PLPPR4: variants seen among roughly 807,000 people sequenced by gnomAD.
PLPPR4 encodes phospholipid phosphatase related 4.
Under a neutral mutation model 56.6 loss-of-function variants are expected in PLPPR4, and 24 were observed. The ratio of observed to expected loss-of-function variants is 0.42; its 90% confidence interval spans 0.31 to 0.60. PLPPR4 has a LOEUF of 0.60. PLPPR4 is among the 20% of genes least tolerant of loss of function. The probability of loss-of-function intolerance (pLI) is 0.13; values close to 1 mark genes in which losing one functional copy is unlikely to be tolerated. For missense variants in PLPPR4, 654 were observed against 885.8 expected, an observed-to-expected ratio of 0.74 and a Z score of 3.32; for synonymous variants, 326 against 328.1, an observed-to-expected ratio of 0.99 and a Z score of 0.07.
At chr1:99,268,363 C>A (rs1347022612) in intron 1 of PLPPR4, among the ~76,000 whole-genome samples, 3 of 152,176 alleles carry the variant, frequency 2.0e-5, no homozygotes, top group Non-Finnish European at 4.4e-5. Context: ...TGGATAGATG[C>A]AAGGAAGGAG....
At chr1:99,303,125 G>GT (rs1320068512) in intron 6 of PLPPR4, among the ~76,000 whole-genome samples, 1 of 152,086 alleles carries the variant, frequency 6.6e-6, no homozygotes, top group African/African-American at 2.4e-5. Flanking sequence ...TGTTGTTGTT[G>GT]TTGTTGTTTT....
intron 1 of PLPPR4, among the ~76,000 whole-genome samples, chr1:99,268,728 G>A (rs2100782068): frequency 6.6e-6 from 1 of 152,250 alleles, no homozygotes; most frequent in East Asian, 1.9e-4. Flanking sequence ...CAAAGGTCAA[G>A]TTGTGAAAAG....
rs1163111575 is a variant in PLPPR4 at position 99,305,852 on chromosome 1, A to C, written c.990A>C (p.Arg330=). 1 of 1,614,016 alleles carries C rather than the reference A, an allele frequency of 6.2e-7. No homozygotes were observed. Among genetic ancestry groups the C allele is most frequent in the African/African-American group, 1.3e-5 (1 of 74,918 alleles). Residue 330 remains arginine (R), a synonymous_variant, in exon 7 of 7, where the codon CGA becomes CGC. Coordinates refer to ENST00000370185, the MANE Select transcript of PLPPR4 (RefSeq NM_014839.5). ...CTCATACAGAAGGCATCCTCAACCG[A>C]AACCACAGAGATGCTAGCTCTCTGA... The part of the protein sequence containing the change: ...GIAHTEGILN[R]NHRDASSLTN...
At chr1:99,267,771 T>C (rs1017019252) in intron 1 of PLPPR4, among the ~76,000 whole-genome samples, 9 of 152,186 alleles carry the variant, frequency 5.9e-5, no homozygotes, top group African/African-American at 2.2e-4. Context: ...TAGAAATAGT[T>C]TGGGCTCCAC....
chr1:99,298,294 G>A (rs1659793551), intron 3 of PLPPR4, among the ~76,000 whole-genome samples: 1 of 152,154 alleles, frequency 6.6e-6, no homozygotes, highest in Admixed American at 6.6e-5. Context: ...GTGCCTGTGA[G>A]CAGAGAGCTG....
intron 2 of PLPPR4, among the ~76,000 whole-genome samples, chr1:99,288,711 G>T (rs1659538413): frequency 6.6e-6 from 1 of 151,948 alleles, no homozygotes; most frequent in Non-Finnish European, 1.5e-5. Flanking sequence ...ATTCAGAAAA[G>T]GCATTTTCAT....
At position 99,306,936 on chromosome 1, in the gene PLPPR4, A is replaced by G. The variant is rs201480580; in HGVS notation, c.2074A>G (p.Arg692Gly). Residue 692 changes from arginine (R) to glycine (G), a missense_variant, in exon 7 of 7, where the codon AGA (arginine) becomes GGA (glycine). Arg to Gly is a moderately radical substitution (Grantham distance 125, BLOSUM62 -2). This residue lies in a region of PLPPR4 where 468 missense variants were observed against 554.3 expected (regional missense o/e 0.84). Transcript: ENST00000370185. This position sits in a 1 kb window ranked among gnomAD's most constrained non-coding sequence, Gnocchi z 4.0. ...GGGCAATATCATTCTAATCCCTGAA[A>G]GAAGCAACAGCCCCGAAAACACTAG... is the stretch of plus-strand genomic sequence containing the variant. Reference protein sequence around the residue: ...RKGNIILIPERSNSPENTRNI... With the variant: ...RKGNIILIPEGSNSPENTRNI... 9.9e-5 allele frequency: 159 copies of G among 1,613,826 alleles called. No homozygotes were observed. Among genetic ancestry groups the G allele is most frequent in the Non-Finnish European group, 1.2e-4 (146 of 1,180,026 alleles).
intron 1 of PLPPR4, among the ~76,000 whole-genome samples, chr1:99,269,220 C>T (rs1284348082): frequency 6.6e-6 from 1 of 152,154 alleles, no homozygotes; most frequent in African/African-American, 2.4e-5. Flanking sequence ...ATGATGGTTT[C>T]CAGCTTCATC....
Position 99,264,648 on chromosome 1 carries a change from C to T in PLPPR4, c.55C>T (p.Leu19=), listed in dbSNP as rs1658846361. The T allele has an allele frequency of 1.3e-6, 2 of 1,550,644 alleles. No individual in the cohort carries two copies. The highest frequency in any genetic ancestry group is 1.7e-6 in the Non-Finnish European group (2 of 1,146,990). ...AGTGATCAAGGACAGCGTCACCCTC[C>T]TGCCCTGCTTTTATTTCGTCGAGGT... is the stretch of plus-strand genomic sequence containing the variant. The part of the protein sequence containing the change: ...GKVIKDSVTL[L]PCFYFVELPI... The change falls in exon 1 of 7, where the codon CTG becomes TTG. Residue 19 remains leucine (L), a synonymous_variant. Transcript: ENST00000370185.
chr1:99,287,196 G>T (rs185272481), intron 1 of PLPPR4, among the ~76,000 whole-genome samples: 2 of 152,244 alleles, frequency 1.3e-5, no homozygotes, highest in East Asian at 3.9e-4. Context: ...CTTCATCCAT[G>T]TGCCTGTAAA....
intron 2 of PLPPR4, among the ~76,000 whole-genome samples, chr1:99,294,159 TAC>T (rs1263137686): frequency 6.6e-6 from 1 of 151,660 alleles, no homozygotes; most frequent in Non-Finnish European, 1.5e-5. Context: ...CATCTCCCTA[TAC>T]CCTGAGGAGA....
chr1:99,294,921 C>T (rs1659706730), intron 2 of PLPPR4, among the ~76,000 whole-genome samples: 1 of 152,110 alleles, frequency 6.6e-6, no homozygotes, highest in African/African-American at 2.4e-5. Flanking sequence ...CCTCTTTTAG[C>T]TGAATACAAT....
At position 99,288,096 on chromosome 1, in the gene PLPPR4, G is replaced by A; in HGVS notation, c.210G>A (p.Glu70=). 1.2e-6 allele frequency: 2 copies of A among 1,613,692 alleles called. No homozygotes were observed. The highest frequency in any genetic ancestry group is 8.5e-7 in the Non-Finnish European group (1 of 1,179,810). Residue 70 remains glutamate, a synonymous_variant, in exon 2 of 7, where the codon GAG becomes GAA. Coordinates refer to ENST00000370185, the MANE Select transcript of PLPPR4 (RefSeq NM_014839.5). ...TGCCGTACATTGAACCAACCCAGGA[G>A]GCAATTCCATTCCTCATGTTGCTTA... is the stretch of plus-strand genomic sequence containing the variant. ...LSMPYIEPTQ[E]AIPFLMLLSL... is the part of the protein sequence containing the mutation.
At chr1:99,301,107 G>A in intron 5 of PLPPR4, 141 bp downstream of exon 5, 2 of 693,566 alleles carry the variant, frequency 2.9e-6, no homozygotes, top group East Asian at 2.6e-5. Context: ...TCAATACAAT[G>A]GCATCCAAAG....
chr1:99,306,381 G>A lies in PLPPR4; in HGVS notation c.1519G>A (p.Ala507Thr), dbSNP rs1309020072. The A allele has an allele frequency of 6.2e-7, 1 of 1,614,158 alleles. No individual in the cohort carries two copies. Among genetic ancestry groups the A allele is most frequent in the Admixed American group, 1.7e-5 (1 of 60,028 alleles). ...STSPKSSSAR[A>T]KWLKAAEKTV... The stretch of plus-strand genomic sequence containing the variant: ...CTCCCCCAAAAGCAGCTCTGCTCGG[G>A]CCAAGTGGTTAAAAGCTGCTGAAAA... The change falls in exon 7 of 7, where the codon GCC becomes ACC. Residue 507 changes from alanine to threonine, a missense_variant. Around this residue, in one of 2 missense-constraint regions of PLPPR4, gnomAD observed 468 missense variants for 554.3 expected, o/e 0.84. Transcript: ENST00000370185. The surrounding 1 kb of genome is among the most constrained non-coding windows in gnomAD (Gnocchi z 4.0).
chr1:99,286,355 C>T (rs539794171), intron 1 of PLPPR4, among the ~76,000 whole-genome samples: 1 of 152,042 alleles, frequency 6.6e-6, no homozygotes, highest in African/African-American at 2.4e-5. Context: ...TGATTGCTTC[C>T]TTAAATTATT....
chr1:99,268,019 C>A (rs368813277), intron 1 of PLPPR4, among the ~76,000 whole-genome samples: 1 of 152,148 alleles, frequency 6.6e-6, no homozygotes, highest in Non-Finnish European at 1.5e-5. Flanking sequence ...AAACAACTTG[C>A]CCAATTTTAT....
At chr1:99,298,196 G>T (rs929101243) in intron 3 of PLPPR4, among the ~76,000 whole-genome samples, 6 of 152,182 alleles carry the variant, frequency 3.9e-5, no homozygotes, top group African/African-American at 7.2e-5. Flanking sequence ...TGATTTCTAT[G>T]AGCAACTCAT....
At chr1:99,294,860 G>GA (rs199954689) in intron 2 of PLPPR4, among the ~76,000 whole-genome samples, 2 of 151,962 alleles carry the variant, frequency 1.3e-5, no homozygotes, top group Admixed American at 6.6e-5. Context: ...TATACAGAGA[G>GA]AAAAAAAATT....
Sources: allele counts gnomAD v4.1 joint callset (sites outside exome capture counted in the v4.1 genomes callset), GRCh38; gene constraint gnomAD v4.1.1; regional missense constraint gnomAD v4.1.1; non-coding constraint Gnocchi (gnomAD v3.1); transcripts MANE v1.5; gene names NCBI Gene and HGNC (gene_info 2026-07-23, HGNC 2026-07-21).